RPN1: variants seen among roughly 807,000 people sequenced by gnomAD.
RPN1 encodes dolichyl-diphosphooligosaccharide--protein glycosyltransferase subunit 1.
RPN1 carries 12 observed loss-of-function variants against 55.5 expected under a neutral mutation model. That is an observed-to-expected ratio of 0.22 (90% confidence interval 0.14 to 0.35). The LOEUF (loss-of-function observed/expected upper bound fraction) is 0.35. RPN1 is among the 10% of genes least tolerant of loss of function. RPN1 has a pLI of 1.00. For missense variants in RPN1, 679 were observed against 761.3 expected (o/e 0.89, Z 1.27); for synonymous variants, 317 against 305.9 (o/e 1.04, Z -0.38).
chr3:128,621,347 C>T (rs1407093683), intron 9 of RPN1, among the ~76,000 whole-genome samples: 1 of 152,084 alleles, frequency 6.6e-6, no homozygotes, highest in Non-Finnish European at 1.5e-5. Context: ...CCCATCTCTA[C>T]AAAAAATTAG....
intron 3 of RPN1, among the ~76,000 whole-genome samples, chr3:128,634,868 A>G (rs745414761): frequency 5.3e-5 from 8 of 152,094 alleles, no homozygotes; most frequent in Non-Finnish European, 8.8e-5. Flanking sequence ...GCCTCTCATG[A>G]ACGTTCTATT....
chr3:128,622,141 A>ACT, intron 9 of RPN1, 23 bp downstream of exon 9: 25 of 1,612,256 alleles, frequency 1.6e-5, no homozygotes, highest in Non-Finnish European at 2.0e-5. Context: ...AAGCCAAGCA[A>ACT]CTCTGTGACG....
intron 1 of RPN1, among the ~76,000 whole-genome samples, chr3:128,647,063 C>T (rs1014376177): frequency 2.6e-5 from 4 of 151,768 alleles, no homozygotes; most frequent in Admixed American, 1.3e-4. Flanking sequence ...CAACAAGATA[C>T]ATAACCAGGA....
chr3:128,635,192 T>C (rs1216324482), intron 3 of RPN1, among the ~76,000 whole-genome samples: 3 of 152,084 alleles, frequency 2.0e-5, no homozygotes, highest in Admixed American at 6.6e-5. Flanking sequence ...GTATGTTTAC[T>C]ACAAATCCTC....
intron 3 of RPN1, among the ~76,000 whole-genome samples, chr3:128,636,548 C>T (rs1227189315): frequency 2.6e-5 from 4 of 151,884 alleles, no homozygotes. Context: ...GATTGCACAT[C>T]CTTGGTGACA....
At chr3:128,626,086 C>G in intron 6 of RPN1, 74 bp from the exon 7 acceptor site, 1 of 1,464,654 alleles carries the variant, frequency 6.8e-7, no homozygotes. Flanking sequence ...TCAGAGAATT[C>G]CAAGGCTAAG....
At chr3:128,628,601 A>G (rs1022337470) in intron 5 of RPN1, among the ~76,000 whole-genome samples, 6 of 150,710 alleles carry the variant, frequency 4.0e-5, no homozygotes, top group African/African-American at 1.5e-4. Context: ...TTTTTTGTAG[A>G]GACCCGTTTT....
chr3:128,622,939 G>A (rs1382591742), intron 8 of RPN1, among the ~76,000 whole-genome samples: 1 of 151,430 alleles, frequency 6.6e-6, no homozygotes, highest in Non-Finnish European at 1.5e-5. Context: ...TCACTTCACA[G>A]TCCAGTAAGG....
chr3:128,650,493 G>C, intron 1 of RPN1, 47 bp downstream of exon 1: 1 of 1,492,236 alleles, frequency 6.7e-7, no homozygotes, highest in African/African-American at 1.4e-5. Flanking sequence ...CAGGAAGGGA[G>C]GCGGGAAGGG....
At chr3:128,625,270 A>G (rs1209056897) in intron 8 of RPN1, among the ~76,000 whole-genome samples, 1 of 152,064 alleles carries the variant, frequency 6.6e-6, no homozygotes, top group East Asian at 1.9e-4. Flanking sequence ...ATAAGCACCA[A>G]TCTTTTCATG....
At chr3:128,629,799 C>G in intron 5 of RPN1, 152 bp downstream of exon 5, 1 of 559,932 alleles carries the variant, frequency 1.8e-6, no homozygotes, top group South Asian at 2.6e-5. Context: ...AATACTAACT[C>G]GTACCCACTT....
chr3:128,635,614 T>TAGATAGATAG (rs1354136197), intron 3 of RPN1, among the ~76,000 whole-genome samples: 1 of 4,270 alleles, frequency 2.3e-4, no homozygotes, highest in African/African-American at 7.8e-4. Flanking sequence ...TAACTTGAGA[T>TAGATAGATAG]ATATATATAT....
chr3:128,620,635 C>G, intron 9 of RPN1, 42 bp from the exon 10 acceptor site: 6 of 1,587,678 alleles, frequency 3.8e-6, no homozygotes, highest in Non-Finnish European at 5.2e-6. Context: ...GAGCTGTCCT[C>G]CCACCCCACT....
At chr3:128,626,643 C>T in intron 6 of RPN1, 90 bp downstream of exon 6, 1 of 1,105,614 alleles carries the variant, frequency 9.0e-7, no homozygotes, top group Non-Finnish European at 1.4e-6. Flanking sequence ...GACACAAAGA[C>T]TGTGCCCCTA....
intron 2 of RPN1, among the ~76,000 whole-genome samples, chr3:128,639,455 GAAAAA>G (rs370062932): frequency 1.2e-5 from 1 of 81,742 alleles, no homozygotes; most frequent in Admixed American, 1.3e-4. Context: ...ACCGTCTCAA[GAAAAA>G]AAAAAAAAAA....
chr3:128,626,995 GA>G, intron 5 of RPN1, 163 bp from the exon 6 acceptor site: 2 of 627,146 alleles, frequency 3.2e-6, no homozygotes, highest in Non-Finnish European at 5.7e-6. Context: ...TATCTCTACT[GA>G]ACCCCACAAC....
In RPN1 at chr3:128,626,798, G is replaced by A; in HGVS notation, c.1071C>T (p.Asp357=). The A allele has an allele frequency of 1.2e-6, 2 of 1,614,114 alleles. No homozygotes were observed. The highest frequency in any genetic ancestry group is 1.6e-4 in the Middle Eastern group (1 of 6,062). The change falls in exon 6 of 10, where the codon GAC becomes GAT. Residue 357 remains aspartate (D), a synonymous_variant. Coordinates refer to ENST00000296255, the MANE Select transcript of RPN1 (RefSeq NM_002950.4). ...DQYALKMRFV[D]HVFDEQVIDS... ...CTATCACTTGTTCATCAAACACATG[G>A]TCCACAAACCTCATCTTCAGTGCAT...
At chr3:128,624,784 GGAGATCGC>G in intron 8 of RPN1, among the ~76,000 whole-genome samples, 1 of 151,444 alleles carries the variant, frequency 6.6e-6, no homozygotes. Flanking sequence ...TGCAGTGAAT[GGAGATCGC>G]GCCACTGCAC....
chr3:128,624,058 G>A (rs972326428), intron 8 of RPN1, among the ~76,000 whole-genome samples: 4 of 150,572 alleles, frequency 2.7e-5, no homozygotes, highest in Non-Finnish European at 4.4e-5. Flanking sequence ...CCGCATCTCC[G>A]ACTATCTGCA....
Sources: allele counts gnomAD v4.1 joint callset (sites outside exome capture counted in the v4.1 genomes callset), GRCh38; gene constraint gnomAD v4.1.1; transcripts MANE v1.5; gene names NCBI Gene and HGNC (gene_info 2026-07-23, HGNC 2026-07-21).